EXOC2: variants seen among roughly 807,000 people sequenced by gnomAD.
EXOC2 encodes exocyst complex component 2.
In EXOC2, 70 loss-of-function variants were observed where a neutral mutation model predicts 131.8. That is an observed-to-expected ratio of 0.53 (90% CI 0.44 to 0.65). The LOEUF is 0.65. Ranked by LOEUF, EXOC2 falls within the 30% of genes least tolerant of loss-of-function variation. The pLI, the probability that EXOC2 is intolerant of heterozygous loss-of-function variation, is 0.00. For synonymous variants in EXOC2, 411 were observed against 398.4 expected (o/e 1.03, Z -0.38); for missense variants, 923 against 1,108.6 (o/e 0.83, Z 2.38).
At chr6:560,971 G>A (rs1411924147) in intron 17 of EXOC2, among the ~76,000 whole-genome samples, 1 of 151,928 alleles carries the variant, frequency 6.6e-6, no homozygotes, top group Non-Finnish European at 1.5e-5. Context: ...GCCTCTCAAA[G>A]TGCTGGGATT....
intron 1 of EXOC2, among the ~76,000 whole-genome samples, chr6:658,647 ATATATATATATATATATAT>A (rs1763256288): frequency 1.4e-5 from 1 of 70,114 alleles, no homozygotes; most frequent in Non-Finnish European, 3.1e-5. Context: ...TATATATTTT[ATATATATATATATATATAT>A]TTTTTTTTTT....
intron 17 of EXOC2, among the ~76,000 whole-genome samples, chr6:557,366 TC>T (rs1429712838): frequency 6.6e-6 from 1 of 152,130 alleles, no homozygotes; most frequent in Non-Finnish European, 1.5e-5. Context: ...ACGCCTGTAA[TC>T]CCAGCATTTT....
intron 4 of EXOC2, among the ~76,000 whole-genome samples, chr6:625,518 C>CT (rs796295514): frequency 0.12 from 12,599 of 108,054 alleles, 998 homozygotes; most frequent in Non-Finnish European, 0.15. Flanking sequence ...TGTTTCCGTT[C>CT]TTTTTTTTTT....
chr6:486,514 G>C lies in EXOC2; in HGVS notation c.*157C>G, dbSNP rs114474739. The C allele has an allele frequency of 4.9e-6, 3 of 607,052 alleles. No individual in the cohort carries two copies. Among genetic ancestry groups the C allele is most frequent in the Non-Finnish European group, 8.7e-6 (3 of 343,456 alleles). The allele number at this position is 607,052 out of a possible 1,614,324, so 37.6% of individuals were successfully genotyped here. On this transcript the variant is annotated 3_prime_UTR_variant, in exon 28 of 28. Transcript: ENST00000230449. ...TGGGCATTTCAAATGAGGTCATTTT[G>C]GTTGAAATGTATACCAACAATTTTC...
intron 23 of EXOC2, chr6:524,412 G>T (rs1765636509): frequency 6.6e-6 from 1 of 152,050 alleles, no homozygotes; most frequent in African/African-American, 2.4e-5. Context: ...TTAAAAAAAA[G>T]AAGCCCTACT....
chr6:549,157 T>C lies in EXOC2; in HGVS notation c.2238+18A>G, dbSNP rs1757014942. 4 of 1,601,066 alleles carry C rather than the reference T, an allele frequency of 2.5e-6. No individual in the cohort carries two copies. The highest frequency in any genetic ancestry group is 3.4e-6 in the Non-Finnish European group (4 of 1,168,180). ...TGGTAAAACCACCGACTTGTGCGTT[T>C]TACATGAACTCGCTTACCTGTGTGA... On this transcript the variant is annotated intron_variant, in intron 22 of 27. Transcript: ENST00000230449.
At chr6:691,540 T>C (rs999114006) in intron 1 of EXOC2, among the ~76,000 whole-genome samples, 7 of 152,368 alleles carry the variant, frequency 4.6e-5, no homozygotes, top group Non-Finnish European at 8.8e-5. Context: ...TTTTCCTCTC[T>C]CAGCTTACTT....
At chr6:679,527 T>G (rs1238864977) in intron 1 of EXOC2, 2 of 152,188 alleles carry the variant, frequency 1.3e-5, no homozygotes, top group African/African-American at 2.4e-5. Context: ...GAAAAATAAT[T>G]CGGCCACGTG....
intron 21 of EXOC2, among the ~76,000 whole-genome samples, chr6:552,529 A>G (rs946684276): frequency 2.6e-5 from 4 of 152,112 alleles, no homozygotes; most frequent in African/African-American, 9.7e-5. Flanking sequence ...TATACTGCTG[A>G]TTCACAAATC....
intron 1 of EXOC2, among the ~76,000 whole-genome samples, chr6:668,211 A>T (rs1357576123): frequency 6.6e-6 from 1 of 152,118 alleles, no homozygotes; most frequent in Non-Finnish European, 1.5e-5. Flanking sequence ...TTAATTTTGG[A>T]AAATTTTTAG....
At chr6:508,014 G>A (rs1320028633) in intron 23 of EXOC2, among the ~76,000 whole-genome samples, 1 of 152,180 alleles carries the variant, frequency 6.6e-6, no homozygotes, top group African/African-American at 2.4e-5. Flanking sequence ...ACAGGTTAGT[G>A]TATGTTCTTC....
intron 23 of EXOC2, among the ~76,000 whole-genome samples, chr6:511,570 G>C (rs767169499): frequency 2.2e-4 from 34 of 152,238 alleles, no homozygotes; most frequent in Non-Finnish European, 4.1e-4. Flanking sequence ...TGTTGGGACT[G>C]ACGACATTGA....
intron 23 of EXOC2, among the ~76,000 whole-genome samples, chr6:512,367 G>A (rs1417962894): frequency 3.3e-5 from 5 of 152,222 alleles, no homozygotes; most frequent in African/African-American, 1.2e-4. Context: ...TGAGGATGAA[G>A]ACCTTTATGA....
At position 509,612 on chromosome 6, in the gene EXOC2, C is replaced by G. The variant is rs1764738715; in HGVS notation, c.2381-9912G>C. Among the ~76,000 whole-genome samples, 3 of 152,148 alleles carry G rather than the reference C, an allele frequency of 2.0e-5. No individual in the cohort carries two copies. In the South Asian group the frequency reaches 6.2e-4, roughly 32 times the overall value. On this transcript the variant is annotated intron_variant, in intron 23 of 27. Coordinates refer to ENST00000230449, the MANE Select transcript of EXOC2 (RefSeq NM_018303.6). The stretch of plus-strand genomic sequence containing the variant: ...TGAAGGAAATTTACTAGAAGTGACA[C>G]AAGATTTACTCTGACTGTATAAAAA...
intron 1 of EXOC2, among the ~76,000 whole-genome samples, chr6:665,654 T>A (rs1182382850): frequency 6.6e-6 from 1 of 152,188 alleles, no homozygotes; most frequent in East Asian, 1.9e-4. Context: ...TTGGAGACTA[T>A]TATTCTAAGA....
Position 619,562 on chromosome 6 carries a change from T to C in EXOC2, c.423-19A>G. 6.5e-7 allele frequency: 1 copy of C among 1,548,250 alleles called. No individual in the cohort carries two copies. The highest frequency in any genetic ancestry group is 8.9e-7 in the Non-Finnish European group (1 of 1,120,442). ...TTTACTTCTGAGGGGAAAAAACGTT[T>C]AAAATATATTTCAATGGTTATTATG... On this transcript the variant is annotated intron_variant, in intron 4 of 27. Transcript: ENST00000230449.
At chr6:643,396 T>C (rs1333354911) in intron 1 of EXOC2, among the ~76,000 whole-genome samples, 1 of 152,054 alleles carries the variant, frequency 6.6e-6, no homozygotes, top group Non-Finnish European at 1.5e-5. Context: ...TCGTTAGCAA[T>C]AGAAACACAA....
intron 3 of EXOC2, among the ~76,000 whole-genome samples, chr6:632,061 G>A (rs9328331): frequency 1.3e-5 from 2 of 152,128 alleles, no homozygotes; most frequent in South Asian, 2.1e-4. Context: ...ATGCTGACCA[G>A]GTGCAAGACA....
chr6:656,693 C>A, intron 1 of EXOC2: 1 of 1,605,894 alleles, frequency 6.2e-7, no homozygotes, highest in Non-Finnish European at 8.5e-7. Context: ...ACAGGTGCTC[C>A]GCCGTCAGCT....
Sources: gnomAD v4.1 joint callset for allele counts (sites outside exome capture counted in the v4.1 genomes callset) on GRCh38, gnomAD v4.1.1 for gene constraint, MANE v1.5 for transcripts, NCBI Gene and HGNC (gene_info 2026-07-23, HGNC 2026-07-21) for gene names.